Variants in AP4S1 observed in about 807,000 individuals in gnomAD.
AP4S1 encodes the protein AP-4 complex subunit sigma-1.
Under a neutral mutation model 19.8 loss-of-function variants are expected in AP4S1, and 23 were observed. That is an observed-to-expected ratio of 1.16 (90% CI 0.84 to 1.65). The LOEUF is 1.65. Ranked by LOEUF, AP4S1 falls within the 40% of genes most tolerant of loss-of-function variation. The pLI, the probability that AP4S1 is intolerant of heterozygous loss-of-function variation, is 0.00. For synonymous variants in AP4S1, 46 were observed against 54.1 expected (o/e 0.85, Z 0.66); for missense variants, 166 against 172.8 (o/e 0.96, Z 0.22).
intron 5 of AP4S1, chr14:31,085,282 T>C: frequency 9.9e-7 from 1 of 1,008,556 alleles, no homozygotes; most frequent in Non-Finnish European, 1.2e-6. Context: ...TGCAAGCCTC[T>C]CCTCCACCTT....
intron 1 of AP4S1, among the ~76,000 whole-genome samples, chr14:31,034,467 T>TG (rs1476220371): frequency 3.9e-5 from 6 of 152,002 alleles, no homozygotes; most frequent in Non-Finnish European, 7.4e-5. Context: ...TAGACTTTTT[T>TG]TGGGGGGGAA....
At chr14:31,073,353 G>T (rs549240974) in intron 4 of AP4S1, among the ~76,000 whole-genome samples, 1 of 135,032 alleles carries the variant, frequency 7.4e-6, no homozygotes, top group Non-Finnish European at 1.7e-5. Context: ...AGCTGGGCGT[G>T]GTGGTGGGCG....
At chr14:31,052,233 C>A (rs998924986) in intron 1 of AP4S1, among the ~76,000 whole-genome samples, 19 of 152,038 alleles carry the variant, frequency 1.2e-4, no homozygotes, top group Non-Finnish European at 2.4e-4. Flanking sequence ...GATTGCGCCA[C>A]TGCACTCCAG....
intron 1 of AP4S1, among the ~76,000 whole-genome samples, chr14:31,052,431 G>A (rs1180336993): frequency 6.6e-6 from 1 of 151,752 alleles, no homozygotes; most frequent in African/African-American, 2.4e-5. Flanking sequence ...TGAGTTAAAA[G>A]GTAAAATCAT....
intron 5 of AP4S1, among the ~76,000 whole-genome samples, chr14:31,090,007 G>A (rs548134375): frequency 6.6e-6 from 1 of 152,156 alleles, no homozygotes; most frequent in South Asian, 2.1e-4. Context: ...TATTTATTCT[G>A]AGACAGAGTC....
intron 1 of AP4S1, among the ~76,000 whole-genome samples, chr14:31,061,654 T>C (rs1886445252): frequency 6.6e-6 from 1 of 152,080 alleles, no homozygotes; most frequent in Non-Finnish European, 1.5e-5. Flanking sequence ...TCAATTTTTT[T>C]TTTTTTTGAG....
chr14:31,057,301 C>A (rs1886173576), intron 1 of AP4S1, among the ~76,000 whole-genome samples: 1 of 152,188 alleles, frequency 6.6e-6, no homozygotes, highest in Non-Finnish European at 1.5e-5. Context: ...TCCTAACCTA[C>A]AACTGACATG....
At chr14:31,027,321 A>T (rs1884070354) in intron 1 of AP4S1, 1 of 152,212 alleles carries the variant, frequency 6.6e-6, no homozygotes, top group South Asian at 2.1e-4. Context: ...AAGCACTGTG[A>T]GTACAACTTA....
rs779905376 is a variant in AP4S1 at position 31,083,224 on chromosome 14, AT to A, written c.306+2641del. On this transcript the variant is annotated intron_variant, in intron 5 of 5. Transcript: ENST00000542754. Reference sequence around the variant, plus strand: ...GTTTGAATTAAAATTTTACGTCAAGATACACAATTTTCCCTTCATTTTACCT... The same window carrying A: ...GTTTGAATTAAAATTTTACGTCAAGAACACAATTTTCCCTTCATTTTACCT... Among the ~76,000 whole-genome samples, 9 of 152,262 alleles carry A rather than the reference AT, an allele frequency of 5.9e-5. No individual in the cohort carries two copies. In the South Asian group the frequency reaches 1.5e-3, roughly 25 times the overall value.
rs1348606879 is a variant in AP4S1, at chr14:31,093,625, T to G, written c.*590T>G. Reference sequence around the variant, plus strand: ...CCACACCTGGCTAATTTTTGTATTTTTAGTAGAGACAGGGTTTCACCATGT... The same window carrying G: ...CCACACCTGGCTAATTTTTGTATTTGTAGTAGAGACAGGGTTTCACCATGT... On this transcript the variant is annotated 3_prime_UTR_variant, in exon 6 of 6. Transcript: ENST00000542754. 6.6e-6 allele frequency: 1 copy of G among 152,396 alleles called. No individual in the cohort carries two copies. Among genetic ancestry groups the G allele is most frequent in the Non-Finnish European group, 1.5e-5 (1 of 68,328 alleles). 9.4% of individuals were successfully genotyped at this position (152,396 alleles called of 1,614,324 possible).
chr14:31,031,894 A>G (rs1409326560), intron 1 of AP4S1, among the ~76,000 whole-genome samples: 1 of 146,828 alleles, frequency 6.8e-6, no homozygotes, highest in Non-Finnish European at 1.5e-5. Context: ...AACAATGCCT[A>G]TTTGCCAGCC....
chr14:31,089,459 A>C (rs1282182281), intron 5 of AP4S1, among the ~76,000 whole-genome samples: 1 of 152,256 alleles, frequency 6.6e-6, no homozygotes, highest in Admixed American at 6.5e-5. Context: ...ATCTAGAGTT[A>C]GAAATTGTAG....
At chr14:31,040,636 T>A (rs1439387906) in intron 1 of AP4S1, among the ~76,000 whole-genome samples, 2 of 152,120 alleles carry the variant, frequency 1.3e-5, no homozygotes, top group Non-Finnish European at 2.9e-5. Flanking sequence ...TTCACAGTCT[T>A]TTTTCCTTTT....
At chr14:31,061,768 G>A (rs1382380404) in intron 1 of AP4S1, among the ~76,000 whole-genome samples, 5 of 151,696 alleles carry the variant, frequency 3.3e-5, no homozygotes, top group Admixed American at 2.0e-4. Flanking sequence ...TCAGCCTCCT[G>A]AGTAGCTGGG....
At chr14:31,076,033 G>C (rs1887341295) in intron 4 of AP4S1, among the ~76,000 whole-genome samples, 1 of 152,154 alleles carries the variant, frequency 6.6e-6, no homozygotes. Context: ...GTCACGCCTG[G>C]CCGGATATAC....
At chr14:31,069,952 G>A (rs1341687248) in intron 3 of AP4S1, 23 bp downstream of exon 3, 2 of 1,563,604 alleles carry the variant, frequency 1.3e-6, no homozygotes, top group Non-Finnish European at 1.8e-6. Context: ...AAGAGCCCTT[G>A]GAAAATGCAA....
At chr14:31,054,687 T>C (rs1885998922) in intron 1 of AP4S1, among the ~76,000 whole-genome samples, 1 of 151,100 alleles carries the variant, frequency 6.6e-6, no homozygotes. Context: ...AGACTCTGTC[T>C]CAAAAAAATA....
intron 5 of AP4S1, 168 bp downstream of exon 5, chr14:31,080,752 A>G: frequency 1.1e-6 from 1 of 905,824 alleles, no homozygotes; most frequent in Non-Finnish European, 1.8e-6. Context: ...ACTCCTCCCC[A>G]ACTTCGTCAC....
At chr14:31,044,672 T>A (rs960206932) in intron 1 of AP4S1, among the ~76,000 whole-genome samples, 5 of 151,404 alleles carry the variant, frequency 3.3e-5, no homozygotes, top group South Asian at 2.1e-4. Flanking sequence ...AAAAAAAAAA[T>A]TTGTAGAAAT....
Sources: gnomAD v4.1 joint callset for allele counts (sites outside exome capture counted in the v4.1 genomes callset) on GRCh38, gnomAD v4.1.1 for gene constraint, MANE v1.5 for transcripts, NCBI Gene and HGNC (gene_info 2026-07-23, HGNC 2026-07-21) for gene names.